The following SEMA5A variants were observed in gnomAD, a reference collection of about 807,000 sequenced individuals.
The protein encoded by SEMA5A is semaphorin 5A.
A neutral mutation model predicts 135.5 loss-of-function variants in SEMA5A; 55 were observed. The ratio of observed to expected loss-of-function variants is 0.41; its 90% confidence interval spans 0.33 to 0.51. The LOEUF (loss-of-function observed/expected upper bound fraction) is 0.51. Among genes scored for constraint, SEMA5A ranks in the 20% least tolerant of loss-of-function variants. SEMA5A has a pLI of 0.37. For missense variants in SEMA5A, 1,290 were observed against 1,419.9 expected, an observed-to-expected ratio of 0.91 and a Z score of 1.47; for synonymous variants, 580 against 546.5, an observed-to-expected ratio of 1.06 and a Z score of -0.85.
At chr5:9,432,068 TGG>T (rs1272469343) in intron 2 of SEMA5A, among the ~76,000 whole-genome samples, 1 of 152,152 alleles carries the variant, frequency 6.6e-6, no homozygotes, top group Non-Finnish European at 1.5e-5. Context: ...AGTTCCATAA[TGG>T]GGAATTCCAA....
intron 13 of SEMA5A, 74 bp downstream of exon 13, chr5:9,136,430 G>T (rs1297662067): frequency 4.0e-6 from 5 of 1,249,626 alleles, no homozygotes; most frequent in East Asian, 4.6e-5. Flanking sequence ...GCGTGACAGT[G>T]TGACTGAGGA....
chr5:9,105,304 C>T (rs1192779836), intron 16 of SEMA5A, among the ~76,000 whole-genome samples: 4 of 152,198 alleles, frequency 2.6e-5, no homozygotes, highest in African/African-American at 9.6e-5. Flanking sequence ...GTAGAAATTT[C>T]ACAAGTGAAG....
intron 8 of SEMA5A, among the ~76,000 whole-genome samples, chr5:9,203,291 T>G (rs1260528347): frequency 6.6e-6 from 1 of 152,200 alleles, no homozygotes; most frequent in Non-Finnish European, 1.5e-5. Flanking sequence ...TGTCCAAAAT[T>G]AATGGAAAGA....
intron 1 of SEMA5A, among the ~76,000 whole-genome samples, chr5:9,530,474 A>C (rs1328332034): frequency 6.6e-6 from 1 of 152,220 alleles, no homozygotes; most frequent in Non-Finnish European, 1.5e-5. Context: ...ATAAATAATA[A>C]AATGTTCTTT....
intron 1 of SEMA5A, among the ~76,000 whole-genome samples, chr5:9,493,432 A>T (rs907150680): frequency 1.3e-5 from 2 of 151,974 alleles, no homozygotes; most frequent in African/African-American, 2.4e-5. Context: ...GCCTAGTTTG[A>T]TCACTGTGAG....
intron 1 of SEMA5A, among the ~76,000 whole-genome samples, chr5:9,457,396 A>T (rs1197883406): frequency 6.6e-6 from 1 of 152,226 alleles, no homozygotes; most frequent in Non-Finnish European, 1.5e-5. Flanking sequence ...TCTGTAAAAG[A>T]GAGGTAACAG....
intron 19 of SEMA5A, among the ~76,000 whole-genome samples, chr5:9,052,840 GA>G (rs1251255100): frequency 6.6e-6 from 1 of 152,036 alleles, no homozygotes; most frequent in Non-Finnish European, 1.5e-5. Flanking sequence ...ATTGTTTATG[GA>G]ATTTTAATCA....
At chr5:9,542,637 A>G (rs2126398391) in intron 1 of SEMA5A, among the ~76,000 whole-genome samples, 1 of 152,374 alleles carries the variant, frequency 6.6e-6, no homozygotes, top group South Asian at 2.1e-4. Context: ...GGGTAACTAT[A>G]GCAACAATTG....
intron 1 of SEMA5A, among the ~76,000 whole-genome samples, chr5:9,484,822 C>T (rs551640338): frequency 7.2e-5 from 11 of 152,032 alleles, no homozygotes; most frequent in Non-Finnish European, 1.0e-4. Flanking sequence ...CTTGCATCAA[C>T]ATCCCAAAAG....
intron 1 of SEMA5A, among the ~76,000 whole-genome samples, chr5:9,532,128 A>G (rs932287480): frequency 2.6e-5 from 4 of 152,206 alleles, no homozygotes; most frequent in African/African-American, 7.2e-5. Context: ...ACTCAAATCT[A>G]TCCTATCTGC....
intron 1 of SEMA5A, among the ~76,000 whole-genome samples, chr5:9,446,630 A>G (rs1243005400): frequency 6.6e-6 from 1 of 152,168 alleles, no homozygotes; most frequent in East Asian, 1.9e-4. Context: ...CTAGAAAAAA[A>G]GGGTGTCTGA....
rs539505003 is a variant in SEMA5A, at chr5:9,204,812, G to A, written c.647-2572C>T. Among the ~76,000 whole-genome samples the A allele has an allele frequency of 6.6e-6, 1 of 152,288 alleles. No homozygotes were observed. Among genetic ancestry groups the A allele is most frequent in the African/African-American group, 2.4e-5 (1 of 41,554 alleles). On this transcript the variant is annotated intron_variant, in intron 8 of 22. Transcript: ENST00000382496. This position sits in a 1 kb window ranked among gnomAD's most constrained non-coding sequence, Gnocchi z 6.4. ...GGAGGTGAGCAGCAGGCAAATGAATGTTACCTCCTGAGCTCCGCCTCCCGT... is the reference window on the plus strand; with the variant it reads ...GGAGGTGAGCAGCAGGCAAATGAATATTACCTCCTGAGCTCCGCCTCCCGT...
At chr5:9,381,688 C>T (rs1415866978) in intron 2 of SEMA5A, among the ~76,000 whole-genome samples, 2 of 152,142 alleles carry the variant, frequency 1.3e-5, no homozygotes, top group Non-Finnish European at 2.9e-5. Context: ...AGCTGAAACC[C>T]ATTGAGTAAT....
At chr5:9,446,107 C>A (rs993078538) in intron 1 of SEMA5A, among the ~76,000 whole-genome samples, 1 of 152,176 alleles carries the variant, frequency 6.6e-6, no homozygotes, top group African/African-American at 2.4e-5. Flanking sequence ...TTGACTAATC[C>A]TAACAACAGT....
chr5:9,539,540 G>A (rs896776065), intron 1 of SEMA5A, among the ~76,000 whole-genome samples: 1 of 152,184 alleles, frequency 6.6e-6, no homozygotes, highest in Non-Finnish European at 1.5e-5. Context: ...GCTTGGAGGA[G>A]AGGGTGCTGT....
In SEMA5A at chr5:9,346,914, G is replaced by GTGTA. The variant is rs869195474; in HGVS notation, c.125-9103_125-9102insTACA. Reference sequence around the variant, plus strand: ...TATATGTGTGTGTGTGTGTGTGTGTGTATATATATATATATGTATTTGCCT... The same window carrying GTGTA: ...TATATGTGTGTGTGTGTGTGTGTGTGTGTATATATATATATATATGTATTTGCCT... On this transcript the variant is annotated intron_variant, in intron 3 of 22. Transcript: ENST00000382496. Among the ~76,000 whole-genome samples the GTGTA allele has an allele frequency of 6.1e-3, 605 of 99,220 alleles. 4 individuals are homozygous for GTGTA. Among genetic ancestry groups the GTGTA allele is most frequent in the African/African-American group, 0.022 (578 of 25,864 alleles). 65.1% of individuals were successfully genotyped at this position (99,220 alleles called of 152,430 possible).
chr5:9,387,001 TCTAGTC>T (rs979472058), intron 2 of SEMA5A, among the ~76,000 whole-genome samples: 1 of 152,164 alleles, frequency 6.6e-6, no homozygotes, highest in Non-Finnish European at 1.5e-5. Flanking sequence ...AGATAAATCA[TCTAGTC>T]TCTCTTCCCT....
chr5:9,384,633 TAGATAGATAGATAGATAG>T (rs1755783762), intron 2 of SEMA5A, among the ~76,000 whole-genome samples: 1 of 118,524 alleles, frequency 8.4e-6, no homozygotes, highest in African/African-American at 3.4e-5. Flanking sequence ...GATAGATAGA[TAGATAGATAGATAGATAG>T]ATAGATAGAT....
chr5:9,325,941 G>C (rs964463639), intron 4 of SEMA5A, among the ~76,000 whole-genome samples: 1 of 152,178 alleles, frequency 6.6e-6, no homozygotes, highest in Non-Finnish European at 1.5e-5. Flanking sequence ...GGCAGAAGCC[G>C]ATAAAATGTA....
Sources: gnomAD v4.1 joint callset for allele counts (sites outside exome capture counted in the v4.1 genomes callset) on GRCh38, gnomAD v4.1.1 for gene constraint, Gnocchi (gnomAD v3.1) non-coding constraint, MANE v1.5 for transcripts, NCBI Gene and HGNC (gene_info 2026-07-23, HGNC 2026-07-21) for gene names.